APH1B: variants seen among roughly 807,000 people sequenced by gnomAD.
APH1B encodes the protein aph-1B gamma-secretase subunit.
APH1B carries 27 observed loss-of-function variants against 28.2 expected under a neutral mutation model. The ratio of observed to expected loss-of-function variants is 0.96; its 90% CI spans 0.70 to 1.32. APH1B has a LOEUF of 1.32. Among genes scored for constraint, APH1B ranks in the 40% most tolerant of loss-of-function variants. The pLI, the probability that APH1B is intolerant of heterozygous loss-of-function variation, is 0.00. For missense variants in APH1B, 305 were observed against 313.6 expected (o/e 0.97, Z 0.21); for synonymous variants, 141 against 124.6 (o/e 1.13, Z -0.88).
At chr15:63,291,659 A>G (rs2038508033) in intron 4 of APH1B, 1 of 152,148 alleles carries the variant, frequency 6.6e-6, no homozygotes, top group Non-Finnish European at 1.5e-5. Context: ...AATGTGGGAG[A>G]TTATTTTTGT....
At chr15:63,295,022 C>T (rs1314412746) in intron 4 of APH1B, among the ~76,000 whole-genome samples, 5 of 152,214 alleles carry the variant, frequency 3.3e-5, no homozygotes, top group Non-Finnish European at 7.3e-5. Context: ...CCTGATTCTT[C>T]CCTTTTTCTC....
intron 4 of APH1B, among the ~76,000 whole-genome samples, chr15:63,296,283 TAGA>T (rs1489052149): frequency 1.3e-5 from 2 of 152,282 alleles, no homozygotes; most frequent in Middle Eastern, 6.8e-3. Flanking sequence ...TTCTACTACT[TAGA>T]AAAAGAAGCC....
rs189409411 is a variant in APH1B, at chr15:63,277,614, C to A, written c.-10C>A. On this transcript the variant is annotated 5_prime_UTR_variant, in exon 1 of 6. Transcript: ENST00000261879. ...CCCAACGGGCCCCCGGGTCGGTTTC[C>A]GCGGTGGCCATGACTGCGGCCGTGT... The A allele has an allele frequency of 6.6e-7, 1 of 1,524,000 alleles. No individual in the cohort carries two copies. The highest frequency in any genetic ancestry group is 8.8e-7 in the Non-Finnish European group (1 of 1,132,484). The allele number at this position is 1,524,000 out of a possible 1,614,324, so 94.4% of individuals were successfully genotyped here. A position where few individuals can be genotyped will look rare whatever the true frequency, so the allele number is the denominator to read the frequency against.
rs2038702586 is a variant in APH1B at position 63,307,815 on chromosome 15, A to G, written c.*2034A>G. 6.6e-6 allele frequency: 1 copy of G among 152,250 alleles called. No homozygotes were observed. The highest frequency in any genetic ancestry group is 2.4e-5 in the African/African-American group (1 of 41,464). 9.4% of individuals were successfully genotyped at this position (152,250 alleles called of 1,614,324 possible). A position where few individuals can be genotyped will look rare whatever the true frequency, so the allele number is the denominator to read the frequency against. On this transcript the variant is annotated 3_prime_UTR_variant, in exon 6 of 6. Coordinates refer to ENST00000261879, the MANE Select transcript of APH1B (RefSeq NM_031301.4). ...GCCGATGGTTTCATATTAACTAAAAAAGCTGGGTATTGTAAAATCTCATTT... is the reference window on the plus strand; with the variant it reads ...GCCGATGGTTTCATATTAACTAAAAGAGCTGGGTATTGTAAAATCTCATTT...
intron 2 of APH1B, among the ~76,000 whole-genome samples, chr15:63,283,437 C>A (rs2038411307): frequency 6.6e-6 from 1 of 152,074 alleles, no homozygotes. Context: ...CTTATGTTGC[C>A]CAGGCTGGTC....
rs543215084 is a variant in APH1B at position 63,307,740 on chromosome 15, C to G, written c.*1959C>G. On this transcript the variant is annotated 3_prime_UTR_variant, in exon 6 of 6. Coordinates refer to ENST00000261879, the MANE Select transcript of APH1B (RefSeq NM_031301.4). The stretch of plus-strand genomic sequence containing the variant: ...TGCTGCTCTGTAGAGTGTGGAAAGT[C>G]TGAGAATATTAGCTTTACTCATCTT... 1 of 152,250 alleles carries G rather than the reference C, an allele frequency of 6.6e-6. No homozygotes were observed. Among genetic ancestry groups the G allele is most frequent in the South Asian group, 2.1e-4 (1 of 4,820 alleles). 9.4% of individuals were successfully genotyped at this position (152,250 alleles called of 1,614,324 possible).
At chr15:63,282,208 G>A (rs2038396134) in intron 2 of APH1B, among the ~76,000 whole-genome samples, 1 of 152,184 alleles carries the variant, frequency 6.6e-6, no homozygotes, top group Non-Finnish European at 1.5e-5. Flanking sequence ...AATATAGGGA[G>A]TTTGGTTTAA....
chr15:63,280,191 TA>T, intron 2 of APH1B, among the ~76,000 whole-genome samples: 1 of 152,346 alleles, frequency 6.6e-6, no homozygotes, highest in Middle Eastern at 3.4e-3. Context: ...CCTGTAGTTT[TA>T]AATCTATAAT....
intron 4 of APH1B, chr15:63,291,917 G>C (rs1423861836): frequency 2.6e-5 from 4 of 152,298 alleles, no homozygotes; most frequent in African/African-American, 4.8e-5. Flanking sequence ...GAGCCACACA[G>C]AGCCCACCCC....
intron 4 of APH1B, 146 bp downstream of exon 4, chr15:63,287,692 G>T (rs950101152): frequency 9.0e-7 from 1 of 1,115,798 alleles, no homozygotes; most frequent in Non-Finnish European, 1.2e-6. Flanking sequence ...TGAAGTAAAA[G>T]ACTTAGGAAA....
chr15:63,308,571 T>A lies in APH1B; in HGVS notation c.*2790T>A, dbSNP rs2038710635. The A allele has an allele frequency of 6.6e-6, 1 of 152,260 alleles. No individual in the cohort carries two copies. Among genetic ancestry groups the A allele is most frequent in the South Asian group, 2.1e-4 (1 of 4,830 alleles). 9.4% of individuals were successfully genotyped at this position (152,260 alleles called of 1,614,324 possible). On this transcript the variant is annotated 3_prime_UTR_variant, in exon 6 of 6. Transcript: ENST00000261879. ...TCACACCAGAAACACTAGGTGTTCATATCCATAGCATGGATGCAGAATAAG... is the reference window on the plus strand; with the variant it reads ...TCACACCAGAAACACTAGGTGTTCAAATCCATAGCATGGATGCAGAATAAG...
At chr15:63,281,944 G>C (rs1472500) in intron 2 of APH1B, among the ~76,000 whole-genome samples, 1 of 152,096 alleles carries the variant, frequency 6.6e-6, no homozygotes, top group Admixed American at 6.5e-5. Context: ...GAAACCATGT[G>C]TGCTTTTCTG....
In APH1B at chr15:63,305,777, G is replaced by C. The variant is rs765339428; in HGVS notation, c.770G>C (p.Arg257Thr). The C allele has an allele frequency of 6.2e-7, 1 of 1,613,462 alleles. No homozygotes were observed. Among genetic ancestry groups the C allele is most frequent in the Non-Finnish European group, 8.5e-7 (1 of 1,179,854 alleles). ...KNFLLYNQRS[R>T] ...TTTCTTCTTTACAACCAGCGCTCCA[G>C]ATAACCTCAGGGAACCAGCACTTCC... The change falls in exon 6 of 6, where the codon AGA becomes ACA. Residue 257 changes from arginine to threonine, a missense_variant. Physicochemically the swap from Arg to Thr is moderately conservative, Grantham distance 71 (BLOSUM62 -1). Transcript: ENST00000261879.
chr15:63,278,471 G>A (rs754333123), intron 1 of APH1B: 1 of 385,690 alleles, frequency 2.6e-6, no homozygotes, highest in Non-Finnish European at 5.1e-6. Context: ...AATGATTCCC[G>A]CTTTTCTGCG....
intron 4 of APH1B, among the ~76,000 whole-genome samples, chr15:63,296,360 G>T (rs1021235932): frequency 6.6e-6 from 1 of 152,242 alleles, no homozygotes; most frequent in South Asian, 2.1e-4. Flanking sequence ...GCCTTGGGAA[G>T]TCCTCCTTTG....
chr15:63,293,275 C>T (rs1254893239), intron 4 of APH1B, among the ~76,000 whole-genome samples: 1 of 151,066 alleles, frequency 6.6e-6, no homozygotes, highest in Non-Finnish European at 1.5e-5. Flanking sequence ...TGCCATTCTC[C>T]TGCCTCACCC....
At chr15:63,287,262 C>G (rs2038457119) in intron 3 of APH1B, 162 bp from the exon 4 acceptor site, 1 of 832,696 alleles carries the variant, frequency 1.2e-6, no homozygotes, top group Non-Finnish European at 1.8e-6. Context: ...TCTGATTCAT[C>G]ATTTAGCCAA....
At chr15:63,291,363 T>TC (rs1252175666) in intron 4 of APH1B, among the ~76,000 whole-genome samples, 3 of 152,148 alleles carry the variant, frequency 2.0e-5, no homozygotes, top group African/African-American at 7.2e-5. Context: ...TTTAAAAAAT[T>TC]CCCCAGACCA....
intron 4 of APH1B, among the ~76,000 whole-genome samples, chr15:63,297,886 G>C (rs1429017172): frequency 6.6e-6 from 1 of 152,140 alleles, no homozygotes; most frequent in East Asian, 1.9e-4. Flanking sequence ...GACCATCAAA[G>C]CCACCCGGAA....
Sources: gnomAD v4.1 joint callset for allele counts (sites outside exome capture counted in the v4.1 genomes callset) on GRCh38, gnomAD v4.1.1 for gene constraint, MANE v1.5 for transcripts, NCBI Gene and HGNC (gene_info 2026-07-23, HGNC 2026-07-21) for gene names.